The following GSTCD variants were observed in gnomAD, a reference collection of about 807,000 sequenced individuals.
GSTCD encodes the protein glutathione S-transferase C-terminal domain-containing protein.
Under a neutral mutation model 68.3 loss-of-function variants are expected in GSTCD, and 44 were observed. That is an observed-to-expected ratio of 0.64 (90% CI 0.51 to 0.83). The LOEUF (loss-of-function observed/expected upper bound fraction) is 0.83, where lower values mean the gene tolerates loss of function less well. Among genes scored for constraint, GSTCD ranks in the 40% least tolerant of loss-of-function variants. The pLI is 0.00. For missense variants in GSTCD, 739 were observed against 735.9 expected, an observed-to-expected ratio of 1.00 and a Z score of -0.05; for synonymous variants, 273 against 255.2, an observed-to-expected ratio of 1.07 and a Z score of -0.67.
At chr4:105,829,969 A>G (rs1723829064) in intron 8 of GSTCD, among the ~76,000 whole-genome samples, 1 of 152,162 alleles carries the variant, frequency 6.6e-6, no homozygotes, top group African/African-American at 2.4e-5. Context: ...TAGAACTTAA[A>G]AAAAAGAAAA....
chr4:105,711,404 GT>G (rs150038037), intron 1 of GSTCD, among the ~76,000 whole-genome samples: 1 of 151,916 alleles, frequency 6.6e-6, no homozygotes, highest in African/African-American at 2.4e-5. Context: ...TAACAAATAT[GT>G]TTTTTTTCAG....
intron 5 of GSTCD, among the ~76,000 whole-genome samples, chr4:105,756,427 A>G (rs1734192698): frequency 6.6e-6 from 1 of 151,464 alleles, no homozygotes; most frequent in South Asian, 2.1e-4. Flanking sequence ...AGACACTCCT[A>G]TCACCTTGAA....
At chr4:105,813,696 A>G (rs1722848513) in intron 5 of GSTCD, among the ~76,000 whole-genome samples, 1 of 152,118 alleles carries the variant, frequency 6.6e-6, no homozygotes, top group Non-Finnish European at 1.5e-5. Flanking sequence ...GCTCTTTTCT[A>G]CCTAAAGACT....
chr4:105,795,144 G>T (rs1312518989), intron 5 of GSTCD, among the ~76,000 whole-genome samples: 1 of 152,020 alleles, frequency 6.6e-6, no homozygotes, highest in Admixed American at 6.5e-5. Flanking sequence ...CCAAAGAGCT[G>T]GGATTACAGG....
At chr4:105,810,357 C>A (rs1187564486) in intron 5 of GSTCD, among the ~76,000 whole-genome samples, 2 of 151,912 alleles carry the variant, frequency 1.3e-5, no homozygotes, top group Non-Finnish European at 2.9e-5. Context: ...TTTGTTTGAA[C>A]GAGTGAGGAA....
intron 5 of GSTCD, among the ~76,000 whole-genome samples, chr4:105,733,365 G>T (rs1733327118): frequency 2.0e-5 from 3 of 152,168 alleles, no homozygotes; most frequent in Admixed American, 2.0e-4. Context: ...TATGAATCTG[G>T]GTGTTCCTGT....
chr4:105,839,684 G>A (rs1217931948), intron 10 of GSTCD, among the ~76,000 whole-genome samples: 1 of 151,164 alleles, frequency 6.6e-6, no homozygotes, highest in African/African-American at 2.4e-5. Context: ...GAGAGGAGAA[G>A]AAAAGAAAGG....
chr4:105,826,253 G>T (rs1423814231), intron 8 of GSTCD: 4 of 152,104 alleles, frequency 2.6e-5, no homozygotes, highest in African/African-American at 7.2e-5. Flanking sequence ...GTATTTTCAG[G>T]TTCCAAGAGA....
chr4:105,819,628 CT>C (rs1436888722), intron 5 of GSTCD, among the ~76,000 whole-genome samples: 1 of 151,766 alleles, frequency 6.6e-6, no homozygotes, highest in Non-Finnish European at 1.5e-5. Context: ...CATTCATCAG[CT>C]TGTCTTTCTT....
intron 9 of GSTCD, among the ~76,000 whole-genome samples, chr4:105,837,624 G>T (rs1724176811): frequency 1.3e-5 from 2 of 152,162 alleles, no homozygotes; most frequent in South Asian, 2.1e-4. Flanking sequence ...CAAAAAAGGT[G>T]CTTCTCTAAC....
intron 9 of GSTCD, among the ~76,000 whole-genome samples, chr4:105,837,442 C>G (rs28547256): frequency 0.013 from 1,938 of 152,236 alleles, 54 homozygotes; most frequent in African/African-American, 0.044. Flanking sequence ...CTGGTGTTTC[C>G]CCATGTGGCC....
intron 7 of GSTCD, 74 bp downstream of exon 7, chr4:105,823,349 C>T (rs192303139): frequency 1.0e-5 from 14 of 1,339,504 alleles, no homozygotes; most frequent in East Asian, 4.6e-5. Context: ...TGGTTTATCC[C>T]GCTCTTGGAG....
At chr4:105,828,063 A>G (rs1230925436) in intron 8 of GSTCD, among the ~76,000 whole-genome samples, 2 of 152,190 alleles carry the variant, frequency 1.3e-5, no homozygotes, top group Non-Finnish European at 2.9e-5. Context: ...CAACATGTTT[A>G]GTTGGAAAAT....
At chr4:105,833,837 T>C (rs1320446093) in intron 8 of GSTCD, among the ~76,000 whole-genome samples, 1 of 152,230 alleles carries the variant, frequency 6.6e-6, no homozygotes, top group African/African-American at 2.4e-5. Context: ...CCACTCAGTA[T>C]TCTAATTCAT....
chr4:105,819,417 T>C (rs1307275969), intron 5 of GSTCD, among the ~76,000 whole-genome samples: 1 of 151,840 alleles, frequency 6.6e-6, no homozygotes, highest in Non-Finnish European at 1.5e-5. Context: ...ACACACCTTC[T>C]TCTTAAATAC....
chr4:105,805,139 G>T (rs371611627), intron 5 of GSTCD, among the ~76,000 whole-genome samples: 20 of 151,984 alleles, frequency 1.3e-4, no homozygotes, highest in African/African-American at 4.8e-4. Context: ...AAACTGATAG[G>T]GCTAAGAAAA....
At chr4:105,757,227 G>A (rs1334814282) in intron 5 of GSTCD, among the ~76,000 whole-genome samples, 1 of 152,122 alleles carries the variant, frequency 6.6e-6, no homozygotes, top group African/African-American at 2.4e-5. Context: ...CTTTATTGGA[G>A]TCATTGCTTA....
In GSTCD at chr4:105,805,816, C is replaced by A. The variant is rs1245784042; in HGVS notation, c.1241-17138C>A. 2.6e-5 allele frequency among the ~76,000 whole-genome samples: 4 copies of A among 151,880 alleles called. No homozygotes were observed. In the East Asian group the frequency reaches 7.7e-4, roughly 29 times the overall value. ...CAGTAATTTAGCCTCCATTCTTCTG[C>A]CTCTTCTTCTTTCCCTCCCCCTATG... On this transcript the variant is annotated intron_variant, in intron 5 of 11. Transcript: ENST00000515279.
At chr4:105,816,532 T>C (rs1245941629) in intron 5 of GSTCD, among the ~76,000 whole-genome samples, 2 of 152,104 alleles carry the variant, frequency 1.3e-5, no homozygotes, top group Non-Finnish European at 1.5e-5. Flanking sequence ...TCCTTTTCAT[T>C]GATAAGTCTG....
Sources: allele counts gnomAD v4.1 joint callset (sites outside exome capture counted in the v4.1 genomes callset), GRCh38; gene constraint gnomAD v4.1.1; transcripts MANE v1.5; gene names NCBI Gene and HGNC (gene_info 2026-07-23, HGNC 2026-07-21).